The following DIP2A variants were observed in gnomAD, a reference collection of about 807,000 sequenced individuals.
DIP2A encodes the protein disco-interacting protein 2 homolog A.
DIP2A carries 85 observed loss-of-function variants against 177.4 expected under a neutral mutation model. That is an observed-to-expected ratio of 0.48 (90% CI 0.40 to 0.57). The LOEUF (loss-of-function observed/expected upper bound fraction) is 0.57, where lower values mean the gene tolerates loss of function less well. Ranked by LOEUF, DIP2A falls within the 20% of genes least tolerant of loss-of-function variation. DIP2A has a pLI of 0.00. For missense variants in DIP2A, 1,791 were observed against 2,100.2 expected, an observed-to-expected ratio of 0.85 and a Z score of 2.88; for synonymous variants, 886 against 881.8, an observed-to-expected ratio of 1.00 and a Z score of -0.08.
chr21:46,510,320 A>G (rs2058243896), intron 7 of DIP2A, among the ~76,000 whole-genome samples: 1 of 152,188 alleles, frequency 6.6e-6, no homozygotes, highest in African/African-American at 2.4e-5. Context: ...GTGCCCACCC[A>G]GATTTAGGGT....
At chr21:46,545,082 G>A in intron 18 of DIP2A, 55 bp from the exon 19 acceptor site, 1 of 1,511,090 alleles carries the variant, frequency 6.6e-7, no homozygotes, top group Non-Finnish European at 9.0e-7. Context: ...AGATCTTTGT[G>A]AGTGATCCAT....
At chr21:46,464,032 C>T (rs543958979) in intron 1 of DIP2A, among the ~76,000 whole-genome samples, 1 of 151,596 alleles carries the variant, frequency 6.6e-6, no homozygotes, top group East Asian at 2.0e-4. Context: ...TTCAAAATGA[C>T]AGCCTGTCAT....
chr21:46,472,322 G>A (rs980547381), intron 1 of DIP2A, among the ~76,000 whole-genome samples: 12 of 152,286 alleles, frequency 7.9e-5, no homozygotes, highest in Non-Finnish European at 1.5e-4. Context: ...TGTTTAAGTC[G>A]CCCACTCTGG....
At chr21:46,575,822 ACTC>A in the DIP2A span, among the ~76,000 whole-genome samples, 7 of 152,206 alleles carry the variant, frequency 4.6e-5, no homozygotes, top group Non-Finnish European at 1.0e-4. Flanking sequence ...TGTCAGTACT[ACTC>A]AAAGCCATCT....
At chr21:46,516,484 A>ATTTTTTTT (rs779342846) in intron 8 of DIP2A, among the ~76,000 whole-genome samples, 1 of 92,874 alleles carries the variant, frequency 1.1e-5, no homozygotes, top group African/African-American at 3.7e-5. Flanking sequence ...GTCTTCTGAA[A>ATTTTTTTT]TTTCTTTTTT....
At chr21:46,529,016 T>G in intron 8 of DIP2A, 76 bp from the exon 9 acceptor site, 2 of 880,834 alleles carry the variant, frequency 2.3e-6, no homozygotes, top group Non-Finnish European at 3.4e-6. Context: ...TTTCGGGGTA[T>G]TTTGGTTTCT....
At chr21:46,492,942 G>A (rs377418838) in intron 3 of DIP2A, among the ~76,000 whole-genome samples, 3 of 125,594 alleles carry the variant, frequency 2.4e-5, no homozygotes, top group African/African-American at 5.5e-5. Flanking sequence ...AAAAAAAAAA[G>A]GAAGAAAAAA....
At chr21:46,506,859 G>GCCA in intron 6 of DIP2A, among the ~76,000 whole-genome samples, 1 of 134,522 alleles carries the variant, frequency 7.4e-6, no homozygotes, top group Non-Finnish European at 1.5e-5. Context: ...AGAGTGCAGT[G>GCCA]GTGCGATCTT....
rs3061062 is a variant in DIP2A at position 46,524,872 on chromosome 21, C to CTTTTTTTTTT, written c.1103-4197_1103-4188dup. On this transcript the variant is annotated intron_variant, in intron 8 of 37. Transcript: ENST00000417564. ...TTTCTTTTATGATTTTTGCTTTTTG[C>CTTTTTTTTTT]TTTTTTTTTTTTTTTTTTTTTTTTT... Among the ~76,000 whole-genome samples the CTTTTTTTTTT allele has an allele frequency of 2.2e-4, 14 of 63,384 alleles. 1 individual carries two copies. The highest frequency in any genetic ancestry group is 2.8e-4 in the African/African-American group (4 of 14,402). The allele number at this position is 63,384 out of a possible 152,430, so 41.6% of individuals were successfully genotyped here.
intron 3 of DIP2A, 104 bp from the exon 4 acceptor site, chr21:46,496,884 A>G: frequency 8.4e-7 from 1 of 1,196,578 alleles, no homozygotes; most frequent in Non-Finnish European, 1.1e-6. Flanking sequence ...GAGAGCTTCT[A>G]TTCCTTTTAC....
chr21:46,508,217 T>C (rs1041940780), intron 6 of DIP2A, among the ~76,000 whole-genome samples: 20 of 151,648 alleles, frequency 1.3e-4, no homozygotes, highest in Non-Finnish European at 5.9e-5. Context: ...ATTTTTTAAA[T>C]TTTTTGTAGA....
At chr21:46,490,530 T>C in intron 2 of DIP2A, 70 bp from the exon 3 acceptor site, 1 of 1,493,106 alleles carries the variant, frequency 6.7e-7, no homozygotes. Flanking sequence ...TAAGCTGTTT[T>C]CAATGGACTT....
chr21:46,512,801 A>T (rs1427343577), intron 8 of DIP2A, among the ~76,000 whole-genome samples: 5 of 119,152 alleles, frequency 4.2e-5, no homozygotes, highest in Admixed American at 1.7e-4. Flanking sequence ...CAGCTAATTT[A>T]AAAAAAAAAA....
chr21:46,523,435 C>T (rs143050275), intron 8 of DIP2A, among the ~76,000 whole-genome samples: 6,459 of 111,248 alleles, frequency 0.058, 206 homozygotes, highest in Middle Eastern at 0.085. Context: ...TTAGTAGAGA[C>T]GGGGTTTCAC....
chr21:46,474,973 A>G (rs1465250037), intron 1 of DIP2A, among the ~76,000 whole-genome samples: 3 of 152,180 alleles, frequency 2.0e-5, no homozygotes, highest in Admixed American at 6.5e-5. Context: ...TATGGTTTTC[A>G]TCGGTTTTCC....
chr21:46,521,832 G>A (rs1601649317), intron 8 of DIP2A, among the ~76,000 whole-genome samples: 1 of 152,044 alleles, frequency 6.6e-6, no homozygotes, highest in East Asian at 1.9e-4. Context: ...CAAACCTTCA[G>A]CATTATTCTA....
chr21:46,486,083 AAAAAAAAAGAACT>A (rs925580778), intron 2 of DIP2A, among the ~76,000 whole-genome samples: 8 of 45,894 alleles, frequency 1.7e-4, no homozygotes, highest in South Asian at 1.7e-3. Context: ...AAAAAAAAAA[AAAAAAAAAGAACT>A]AAAGAACTAG....
In DIP2A at chr21:46,551,879, C is replaced by T. The variant is rs373815038; in HGVS notation, c.3005C>T (p.Pro1002Leu). 20 of 1,609,086 alleles carry T rather than the reference C, an allele frequency of 1.2e-5. No homozygotes were observed. Among genetic ancestry groups the T allele is most frequent in the African/African-American group, 1.2e-4 (9 of 74,872 alleles). ...CGTGCCCACACCACTCCTGACCACC[C>T]GCTGTTCTTGCTGCTGAACGCCAAG... is the stretch of plus-strand genomic sequence containing the variant. ...QWRAHTTPDH[P>L]LFLLLNAKGT... Residue 1002 changes from proline to leucine, a missense_variant, in exon 25 of 38, where the codon CCG (proline) becomes CTG (leucine). Physicochemically the swap from Pro to Leu is moderately conservative, Grantham distance 98 (BLOSUM62 -3). Coordinates refer to ENST00000417564, the MANE Select transcript of DIP2A (RefSeq NM_015151.4).
In DIP2A at chr21:46,557,977, G is replaced by T. The variant is rs926821220; in HGVS notation, c.3798+224G>T. Among the ~76,000 whole-genome samples the T allele has an allele frequency of 1.5e-4, 23 of 152,228 alleles. No homozygotes were observed. Among genetic ancestry groups the T allele is most frequent in the Admixed American group, 1.1e-3 (17 of 15,290 alleles). On this transcript the variant is annotated intron_variant, in intron 31 of 37. Transcript: ENST00000417564. This position sits in a 1 kb window ranked among gnomAD's most constrained non-coding sequence, Gnocchi z 6.0. Reference sequence around the variant, plus strand: ...GAGAGGAGGGTGGGGGGTAGGGCAGGGTCCCTGCGAGATAGCGGGGTGGAA... The same window carrying T: ...GAGAGGAGGGTGGGGGGTAGGGCAGTGTCCCTGCGAGATAGCGGGGTGGAA...
Sources: allele counts gnomAD v4.1 joint callset (sites outside exome capture counted in the v4.1 genomes callset), GRCh38; gene constraint gnomAD v4.1.1; non-coding constraint Gnocchi (gnomAD v3.1); transcripts MANE v1.5; gene names NCBI Gene and HGNC (gene_info 2026-07-23, HGNC 2026-07-21).